The following MAPKBP1 variants were observed in gnomAD, a reference collection of about 807,000 sequenced individuals.
MAPKBP1 encodes the protein mitogen-activated protein kinase-binding protein 1.
A neutral mutation model predicts 170.5 loss-of-function variants in MAPKBP1; 71 were observed. The ratio of observed to expected loss-of-function variants is 0.42; its 90% CI spans 0.34 to 0.51. MAPKBP1 has a LOEUF of 0.51. Ranked by LOEUF, MAPKBP1 falls within the 20% of genes least tolerant of loss-of-function variation. The pLI is 0.06. For synonymous variants in MAPKBP1, 719 were observed against 757.9 expected (o/e 0.95, Z 0.84); for missense variants, 1,598 against 1,933.0 (o/e 0.83, Z 3.25).
chr15:41,811,117 GA>G, intron 4 of MAPKBP1, 60 bp from the exon 5 acceptor site: 2 of 1,595,040 alleles, frequency 1.3e-6, no homozygotes, highest in Non-Finnish European at 1.7e-6. Context: ...GAGAGGCTGG[GA>G]GGGGGCTAGG....
At position 41,823,074 on chromosome 15, in the gene MAPKBP1, C is replaced by A. The variant is rs748941935; in HGVS notation, c.3450C>A (p.Gly1150=). The change falls in exon 28 of 31, where the codon GGC becomes GGA. Residue 1150 remains glycine, a synonymous_variant. Coordinates refer to ENST00000457542, the MANE Select transcript of MAPKBP1 (RefSeq NM_014994.3). The part of the protein sequence containing the change: ...GAPPEVEPSS[G]NPSPQQAASV... ...CCCCGGAGGTGGAACCGTCCTCTGG[C>A]AACCCCAGCCCCCAGCAGGCAGCCT... 2 of 1,613,748 alleles carry A rather than the reference C, an allele frequency of 1.2e-6. No individual in the cohort carries two copies. Among genetic ancestry groups the A allele is most frequent in the South Asian group, 2.2e-5 (2 of 91,072 alleles).
intron 2 of MAPKBP1, among the ~76,000 whole-genome samples, chr15:41,792,037 A>G (rs900830104): frequency 2.0e-5 from 3 of 150,158 alleles, no homozygotes; most frequent in African/African-American, 7.4e-5. Context: ...CCTGGGTAAC[A>G]AGAGTAAAAC....
chr15:41,813,605 G>A lies in MAPKBP1; in HGVS notation c.820-16G>A, dbSNP rs1404368815. Reference sequence around the variant, plus strand: ...TGGGCAGGTGGCCTTGCTGAGCTGAGCCACTCTGCCCACAGACCACAGTGG... The same window carrying A: ...TGGGCAGGTGGCCTTGCTGAGCTGAACCACTCTGCCCACAGACCACAGTGG... On this transcript the variant is annotated splice_polypyrimidine_tract_variant and intron_variant, in intron 8 of 30. Coordinates refer to ENST00000457542, the MANE Select transcript of MAPKBP1 (RefSeq NM_014994.3). The A allele has an allele frequency of 1.2e-6, 2 of 1,611,560 alleles. No homozygotes were observed. The highest frequency in any genetic ancestry group is 1.7e-6 in the Non-Finnish European group (2 of 1,179,208).
chr15:41,776,124 T>G (rs186670324), intron 2 of MAPKBP1, among the ~76,000 whole-genome samples: 1 of 152,334 alleles, frequency 6.6e-6, no homozygotes, highest in African/African-American at 2.4e-5. Flanking sequence ...ACCCCACAAC[T>G]TTGGGAATCC....
chr15:41,816,868 G>C, intron 13 of MAPKBP1, 42 bp from the exon 14 acceptor site: 3 of 1,572,198 alleles, frequency 1.9e-6, no homozygotes, highest in South Asian at 2.4e-5. Flanking sequence ...GATAAGGGCT[G>C]TTCAGGGCAC....
rs773039066 is a variant in MAPKBP1 at position 41,814,570 on chromosome 15, C to T, written c.1001C>T (p.Ala334Val). The T allele has an allele frequency of 2.5e-6, 4 of 1,613,926 alleles. No homozygotes were observed. Among genetic ancestry groups the T allele is most frequent in the Admixed American group, 1.7e-5 (1 of 60,002 alleles). ...TEASRLFSGV[A>V]NARYPDTIAL... ...TACAGTCGCCTCTTCTCTGGAGTGG[C>T]GAATGCCAGGTATCCAGACACCATT... is the stretch of plus-strand genomic sequence containing the variant. Residue 334 changes from alanine (A) to valine (V), a missense_variant, in exon 10 of 31, where the codon GCG (alanine) becomes GTG (valine). By Grantham distance (64) the Ala-to-Val change is moderately conservative. Transcript: ENST00000457542.
At chr15:41,820,216 T>C (rs2064971603) in intron 22 of MAPKBP1, among the ~76,000 whole-genome samples, 1 of 152,160 alleles carries the variant, frequency 6.6e-6, no homozygotes, top group Non-Finnish European at 1.5e-5. Flanking sequence ...CCTTCCGTTG[T>C]CAGCAACAGT....
In MAPKBP1 at chr15:41,823,581, A is replaced by G; in HGVS notation, c.3733A>G (p.Thr1245Ala). 6.2e-7 allele frequency: 1 copy of G among 1,613,850 alleles called. No individual in the cohort carries two copies. The highest frequency in any genetic ancestry group is 2.2e-5 in the East Asian group (1 of 44,860). The change falls in exon 29 of 31, where the codon ACC becomes GCC. Residue 1245 changes from threonine to alanine, a missense_variant. Around this residue, in one of 6 missense-constraint regions of MAPKBP1, gnomAD observed 942 missense variants for 953.2 expected, o/e 0.99. Transcript: ENST00000457542. Reference protein sequence around the residue: ...PSRPHSYQNPTTSSMAKISRS... With the variant: ...PSRPHSYQNPATSSMAKISRS... ...TCGGCCTCACTCCTATCAGAACCCC[A>G]CCACCAGTTCCATGGCCAAGATATC...
At chr15:41,781,327 C>T (rs1388708515) in intron 2 of MAPKBP1, among the ~76,000 whole-genome samples, 5 of 151,826 alleles carry the variant, frequency 3.3e-5, no homozygotes, top group Non-Finnish European at 7.4e-5. Context: ...CTGCCTGCCT[C>T]GGCCTCCAAA....
In MAPKBP1 at chr15:41,825,361, G is replaced by A; in HGVS notation, c.4452G>A (p.Gln1484=). ...GCCCTGGGGCTGTGGGAGCCGAGCA[G>A]ACACAGGCCCTGCTGGAGCAATACT... is the stretch of plus-strand genomic sequence containing the variant. The part of the protein sequence containing the change: ...GSSPGAVGAE[Q]TQALLEQYSE... The change falls in exon 31 of 31, where the codon CAG becomes CAA. Residue 1484 remains glutamine, a synonymous_variant. Transcript: ENST00000457542. The A allele has an allele frequency of 6.2e-7, 1 of 1,613,542 alleles. No homozygotes were observed. Among genetic ancestry groups the A allele is most frequent in the Non-Finnish European group, 8.5e-7 (1 of 1,180,000 alleles).
intron 2 of MAPKBP1, among the ~76,000 whole-genome samples, chr15:41,783,861 C>T (rs939697150): frequency 2.0e-5 from 3 of 152,130 alleles, no homozygotes; most frequent in African/African-American, 7.2e-5. Flanking sequence ...CACAAAAAAT[C>T]AGCTGGGCGT....
At chr15:41,819,178 C>T in intron 20 of MAPKBP1, 68 bp from the exon 21 acceptor site, 1 of 1,573,308 alleles carries the variant, frequency 6.4e-7, no homozygotes, top group Non-Finnish European at 8.7e-7. Context: ...CTTCCTTCTT[C>T]CCCCACTGAG....
intron 2 of MAPKBP1, among the ~76,000 whole-genome samples, chr15:41,788,728 A>T (rs1403080119): frequency 6.6e-6 from 1 of 152,246 alleles, no homozygotes; most frequent in Non-Finnish European, 1.5e-5. Flanking sequence ...AAATAGAATT[A>T]TGAGAAGGGC....
At chr15:41,811,058 G>A in intron 4 of MAPKBP1, 113 bp downstream of exon 4, 1 of 1,533,304 alleles carries the variant, frequency 6.5e-7, no homozygotes, top group Non-Finnish European at 9.0e-7. Context: ...CCTAAAGCCA[G>A]ATGGGGAAGT....
chr15:41,778,213 G>T (rs1423795219), intron 2 of MAPKBP1, among the ~76,000 whole-genome samples: 1 of 152,182 alleles, frequency 6.6e-6, no homozygotes, highest in Non-Finnish European at 1.5e-5. Flanking sequence ...CAAATATAGT[G>T]CGGGATAAAC....
rs267604191 is a variant in MAPKBP1 at position 41,821,593 on chromosome 15, C to G, written c.2728C>G (p.Pro910Ala). ...ETSLTSQNEK[P>A]PRPQASQPCS... The stretch of plus-strand genomic sequence containing the variant: ...CTTTGTGTGTTCCCAGAATGAAAAG[C>G]CCCCTCGGCCTCAGGCTTCCCAACC... The change falls in exon 24 of 31, where the codon CCC (proline) becomes GCC (alanine). Residue 910 changes from proline to alanine, a missense_variant. Around this residue, in one of 6 missense-constraint regions of MAPKBP1, gnomAD observed 942 missense variants for 953.2 expected, o/e 0.99. Transcript: ENST00000457542. The G allele has an allele frequency of 1.9e-6, 3 of 1,613,510 alleles. No individual in the cohort carries two copies. Among genetic ancestry groups the G allele is most frequent in the African/African-American group, 1.3e-5 (1 of 74,822 alleles).
rs760765383 is a variant in MAPKBP1 at position 41,821,564 on chromosome 15, A to G, written c.2719-20A>G. ...CATCTGTCACCTCTGCTCTGTTAAC[A>G]TCCCTTTGTGTGTTCCCAGAATGAA... On this transcript the variant is annotated intron_variant, in intron 23 of 30. Coordinates refer to ENST00000457542, the MANE Select transcript of MAPKBP1 (RefSeq NM_014994.3). 1.2e-6 allele frequency: 2 copies of G among 1,607,070 alleles called. No individual in the cohort carries two copies. The highest frequency in any genetic ancestry group is 3.4e-5 in the Admixed American group (2 of 59,510).
In MAPKBP1 at chr15:41,815,612, C is replaced by T. The variant is rs767581780; in HGVS notation, c.1318-12C>T. ...GCCTGCCTCATCCACCTTTTCTAAC[C>T]TGTTCCACTAGGACCTCATTAAAAT... On this transcript the variant is annotated splice_polypyrimidine_tract_variant and intron_variant, in intron 11 of 30. Transcript: ENST00000457542. The T allele has an allele frequency of 1.9e-6, 3 of 1,610,476 alleles. No individual in the cohort carries two copies. The highest frequency in any genetic ancestry group is 2.5e-6 in the Non-Finnish European group (3 of 1,177,326).
intron 3 of MAPKBP1, among the ~76,000 whole-genome samples, chr15:41,804,905 T>C (rs1019152906): frequency 6.6e-6 from 1 of 152,240 alleles, no homozygotes; most frequent in Non-Finnish European, 1.5e-5. Flanking sequence ...CCTGATGTGC[T>C]GCTGTGATGT....
Sources: gnomAD v4.1 joint callset for allele counts (sites outside exome capture counted in the v4.1 genomes callset) on GRCh38, gnomAD v4.1.1 for gene constraint, gnomAD v4.1.1 regional missense constraint, MANE v1.5 for transcripts, NCBI Gene and HGNC (gene_info 2026-07-23, HGNC 2026-07-21) for gene names.